The following SNTG1 variants were observed in gnomAD, a reference collection of about 807,000 sequenced individuals.
The protein encoded by SNTG1 is gamma-1-syntrophin.
In SNTG1, 39 loss-of-function variants were observed where a neutral mutation model predicts 74.7. That is an observed-to-expected ratio of 0.52 (90% CI 0.40 to 0.68). SNTG1 has a LOEUF of 0.68. SNTG1 is among the 30% of genes least tolerant of loss of function. The probability of loss-of-function intolerance (pLI) is 0.00; values close to 1 mark genes in which losing one functional copy is unlikely to be tolerated. For synonymous variants in SNTG1, 254 were observed against 217.1 expected, an observed-to-expected ratio of 1.17 and a Z score of -1.49; for missense variants, 685 against 609.5, an observed-to-expected ratio of 1.12 and a Z score of -1.30.
intron 2 of SNTG1, among the ~76,000 whole-genome samples, chr8:50,301,207 T>A (rs1000987036): frequency 7.9e-5 from 12 of 152,134 alleles, no homozygotes; most frequent in Non-Finnish European, 1.5e-4. Flanking sequence ...CACATTACAC[T>A]CATGTCATTA....
At chr8:50,470,349 T>G (rs928653692) in intron 8 of SNTG1, among the ~76,000 whole-genome samples, 2 of 152,208 alleles carry the variant, frequency 1.3e-5, no homozygotes, top group Non-Finnish European at 2.9e-5. Context: ...GTTCTTGGTC[T>G]CGCTGACTTC....
intron 1 of SNTG1, among the ~76,000 whole-genome samples, chr8:50,052,087 T>G (rs1429644077): frequency 6.6e-6 from 1 of 152,058 alleles, no homozygotes; most frequent in Non-Finnish European, 1.5e-5. Context: ...AGACCTAGAA[T>G]AATTGAAACA....
At chr8:50,012,260 A>G (rs951309158) in intron 1 of SNTG1, among the ~76,000 whole-genome samples, 28 of 152,258 alleles carry the variant, frequency 1.8e-4, no homozygotes, top group East Asian at 7.7e-4. Context: ...CATGAAGTCA[A>G]GTGCAACTGA....
chr8:50,636,660 G>A lies in SNTG1; in HGVS notation c.850-20249G>A, dbSNP rs529490384. On this transcript the variant is annotated intron_variant, in intron 13 of 18. Coordinates refer to ENST00000642720, the MANE Select transcript of SNTG1 (RefSeq NM_018967.5). ...GAGTATGGAGGAGAGGTGGCACTTA[G>A]TGAAACAATTCAAGATTTTCTTTCT... Among the ~76,000 whole-genome samples, 9 of 152,282 alleles carry A rather than the reference G, an allele frequency of 5.9e-5. No individual in the cohort carries two copies. In the South Asian group the frequency reaches 1.7e-3, roughly 28 times the overall value.
intron 18 of SNTG1, among the ~76,000 whole-genome samples, chr8:50,777,422 C>A (rs1040240299): frequency 6.7e-6 from 1 of 150,000 alleles, no homozygotes; most frequent in Non-Finnish European, 1.5e-5. Flanking sequence ...TTTTTTATTT[C>A]TGTTATTATA....
chr8:50,165,824 T>C (rs1245397220), intron 1 of SNTG1, among the ~76,000 whole-genome samples: 1 of 152,178 alleles, frequency 6.6e-6, no homozygotes, highest in Non-Finnish European at 1.5e-5. Context: ...GTAACTTAAA[T>C]GTCATCCAAT....
At chr8:50,308,954 GAAGCAA>G (rs2090003279) in intron 2 of SNTG1, among the ~76,000 whole-genome samples, 2 of 143,082 alleles carry the variant, frequency 1.4e-5, no homozygotes, top group African/African-American at 5.2e-5. Context: ...TTATAACTAG[GAAGCAA>G]TAGTTTTGAT....
At chr8:50,395,984 T>C (rs4449807) in intron 3 of SNTG1, among the ~76,000 whole-genome samples, 140,691 of 152,234 alleles carry the variant, frequency 0.92, 65,586 homozygotes, top group Non-Finnish European at 1. Flanking sequence ...TGGACAGTGG[T>C]CAAATACTAT....
intron 15 of SNTG1, among the ~76,000 whole-genome samples, chr8:50,672,536 GTT>G (rs139442351): frequency 2.6e-5 from 4 of 151,962 alleles, no homozygotes; most frequent in Non-Finnish European, 5.9e-5. Context: ...GGGGTTGTTT[GTT>G]TTTTTTCTTG....
intron 4 of SNTG1, among the ~76,000 whole-genome samples, chr8:50,425,071 C>A (rs1260879518): frequency 1.3e-5 from 2 of 152,008 alleles, no homozygotes; most frequent in African/African-American, 2.4e-5. Context: ...GACAATAAAT[C>A]ACAAGTATAT....
intron 1 of SNTG1, among the ~76,000 whole-genome samples, chr8:49,928,249 A>T (rs868221327): frequency 6.6e-6 from 1 of 150,960 alleles, no homozygotes; most frequent in Non-Finnish European, 1.5e-5. Flanking sequence ...TTTTTTTGAG[A>T]CAGAGTCTAG....
At chr8:50,674,441 A>G (rs189501083) in intron 15 of SNTG1, among the ~76,000 whole-genome samples, 70 of 148,978 alleles carry the variant, frequency 4.7e-4, no homozygotes, top group African/African-American at 1.6e-3. Flanking sequence ...ATTTTTCTAG[A>G]TTTTCTAGTT....
chr8:50,244,648 A>G (rs1239583346), intron 2 of SNTG1, among the ~76,000 whole-genome samples: 2 of 152,212 alleles, frequency 1.3e-5, no homozygotes, highest in East Asian at 3.9e-4. Flanking sequence ...TTCTGAACAT[A>G]GGGAGCTCTA....
At chr8:50,517,093 T>C (rs1229968873) in intron 9 of SNTG1, among the ~76,000 whole-genome samples, 1 of 152,160 alleles carries the variant, frequency 6.6e-6, no homozygotes, top group Middle Eastern at 3.2e-3. Flanking sequence ...TAACAGCAGA[T>C]GTCTCCGCAG....
At chr8:50,130,120 G>A (rs1423394050) in intron 1 of SNTG1, among the ~76,000 whole-genome samples, 1 of 152,160 alleles carries the variant, frequency 6.6e-6, no homozygotes, top group Non-Finnish European at 1.5e-5. Context: ...AAAACTCTGA[G>A]GAGAATTATT....
intron 4 of SNTG1, among the ~76,000 whole-genome samples, chr8:50,405,011 T>A (rs920549092): frequency 1.3e-5 from 2 of 152,088 alleles, no homozygotes; most frequent in African/African-American, 2.4e-5. Flanking sequence ...CTGAATAATA[T>A]TCCATTGTGT....
At chr8:50,351,590 A>G (rs1033052851) in intron 2 of SNTG1, among the ~76,000 whole-genome samples, 35 of 152,356 alleles carry the variant, frequency 2.3e-4, no homozygotes, top group African/African-American at 7.5e-4. Context: ...ACATGGAAAT[A>G]TCACAGTAAA....
At chr8:50,196,828 A>C (rs2083789388) in intron 2 of SNTG1, among the ~76,000 whole-genome samples, 1 of 151,558 alleles carries the variant, frequency 6.6e-6, no homozygotes, top group Admixed American at 6.6e-5. Context: ...AAAAAAACCC[A>C]AAACCTAGTC....
At position 50,656,961 on chromosome 8, in the gene SNTG1, G is replaced by A; in HGVS notation, c.902G>A (p.Arg301Lys). Residue 301 changes from arginine to lysine, a missense_variant, in exon 14 of 19, where the codon AGA becomes AAA. Coordinates refer to ENST00000642720, the MANE Select transcript of SNTG1 (RefSeq NM_018967.5). ...EAREQDPLQD[R>K]VYSPTFLALR... is the part of the protein sequence containing the mutation. ...CGGGAGCAAGACCCCCTCCAGGACA[G>A]AGTGTACTCCCCGACCTTCCTGGCC... is the stretch of plus-strand genomic sequence containing the variant. The A allele has an allele frequency of 1.2e-6, 2 of 1,600,682 alleles. No homozygotes were observed. The highest frequency in any genetic ancestry group is 1.7e-6 in the Non-Finnish European group (2 of 1,173,562).
Sources: allele counts gnomAD v4.1 joint callset (sites outside exome capture counted in the v4.1 genomes callset), GRCh38; gene constraint gnomAD v4.1.1; transcripts MANE v1.5; gene names NCBI Gene and HGNC (gene_info 2026-07-23, HGNC 2026-07-21).